Variants in SLC25A13 observed in about 807,000 individuals in gnomAD.
SLC25A13 encodes the protein solute carrier family 25 member 13.
In SLC25A13, 70 loss-of-function variants were observed where a neutral mutation model predicts 85.5. The ratio of observed to expected loss-of-function variants is 0.82; its 90% CI spans 0.68 to 1.00. The LOEUF (loss-of-function observed/expected upper bound fraction) is 1.00, where lower values mean the gene tolerates loss of function less well. Ranked by LOEUF, SLC25A13 falls within the 50% of genes least tolerant of loss-of-function variation. The pLI is 0.00. For missense variants in SLC25A13, 765 were observed against 819.8 expected (o/e 0.93, Z 0.82); for synonymous variants, 259 against 288.7 (o/e 0.90, Z 1.04).
intron 14 of SLC25A13, among the ~76,000 whole-genome samples, chr7:96,135,858 G>GGT (rs1792263712): frequency 7.5e-6 from 1 of 132,980 alleles, no homozygotes; most frequent in African/African-American, 2.8e-5. Context: ...TCCTGCTTTG[G>GGT]TTTTTTTTTT....
chr7:96,290,328 A>G lies in SLC25A13; in HGVS notation c.69+6570T>C, dbSNP rs186817074. 3.6e-3 allele frequency among the ~76,000 whole-genome samples: 542 copies of G among 152,326 alleles called. 2 individuals are homozygous for G. The highest frequency in any genetic ancestry group is 0.012 in the African/African-American group (518 of 41,562). On this transcript the variant is annotated intron_variant, in intron 2 of 17. Coordinates refer to ENST00000265631, the MANE Select transcript of SLC25A13 (RefSeq NM_014251.3). ...ACCAACCACTGCAAAAACATGCCAA[A>G]TTGTAAAGACCATCGATGCTAGGGA...
At chr7:96,249,343 C>T (rs1183631109) in intron 3 of SLC25A13, among the ~76,000 whole-genome samples, 1 of 152,234 alleles carries the variant, frequency 6.6e-6, no homozygotes, top group African/African-American at 2.4e-5. Context: ...AAGACATACA[C>T]ATCTTTCATA....
chr7:96,251,837 T>C (rs1285200547), intron 3 of SLC25A13, among the ~76,000 whole-genome samples: 1 of 152,234 alleles, frequency 6.6e-6, no homozygotes, highest in African/African-American at 2.4e-5. Flanking sequence ...GCATCTTCAC[T>C]AGCAGTTGGT....
At chr7:96,128,037 T>C (rs1791803911) in intron 15 of SLC25A13, among the ~76,000 whole-genome samples, 1 of 152,174 alleles carries the variant, frequency 6.6e-6, no homozygotes, top group Non-Finnish European at 1.5e-5. Context: ...CTGACAAAAG[T>C]CTTGCCCTTC....
At chr7:96,305,892 A>G (rs1198083894) in intron 1 of SLC25A13, among the ~76,000 whole-genome samples, 1 of 152,212 alleles carries the variant, frequency 6.6e-6, no homozygotes, top group Non-Finnish European at 1.5e-5. Context: ...ACCAGAAGGA[A>G]GCAAAAAGGA....
At chr7:96,140,084 A>C (rs1209491711) in intron 14 of SLC25A13, among the ~76,000 whole-genome samples, 2 of 146,298 alleles carry the variant, frequency 1.4e-5, no homozygotes, top group Non-Finnish European at 3.0e-5. Flanking sequence ...TCAGCCTCCC[A>C]AGTAGCTGGG....
At chr7:96,250,747 A>AAAAAAAAAG (rs1663884441) in intron 3 of SLC25A13, among the ~76,000 whole-genome samples, 1 of 151,546 alleles carries the variant, frequency 6.6e-6, no homozygotes, top group South Asian at 2.1e-4. Context: ...TACAAAAAAA[A>AAAAAAAAAG]AAAAAGAGGC....
chr7:96,273,601 G>GT (rs1798329361), intron 3 of SLC25A13, among the ~76,000 whole-genome samples: 1 of 152,182 alleles, frequency 6.6e-6, no homozygotes, highest in Non-Finnish European at 1.5e-5. Context: ...ATGTGTGTAC[G>GT]TGTTTGTGTG....
At chr7:96,285,520 T>C (rs1307794491) in intron 2 of SLC25A13, among the ~76,000 whole-genome samples, 2 of 152,172 alleles carry the variant, frequency 1.3e-5, no homozygotes, top group African/African-American at 4.8e-5. Flanking sequence ...CTCAAACGTG[T>C]TCCTTGTCGC....
chr7:96,223,300 A>G (rs1027257241), intron 4 of SLC25A13, among the ~76,000 whole-genome samples: 1 of 152,272 alleles, frequency 6.6e-6, no homozygotes, highest in African/African-American at 2.4e-5. Flanking sequence ...TTAAAATTGC[A>G]CGTAAAACAT....
intron 1 of SLC25A13, among the ~76,000 whole-genome samples, chr7:96,320,781 G>T (rs1800311301): frequency 6.6e-6 from 1 of 152,180 alleles, no homozygotes; most frequent in African/African-American, 2.4e-5. Flanking sequence ...GATTTGGGGA[G>T]CCTGGAGAGA....
At chr7:96,278,236 T>G (rs1172241303) in intron 2 of SLC25A13, among the ~76,000 whole-genome samples, 1 of 151,680 alleles carries the variant, frequency 6.6e-6, no homozygotes, top group Non-Finnish European at 1.5e-5. Context: ...GACAAAGCAG[T>G]GGTTTGGGGA....
At chr7:96,282,468 C>T (rs940787617) in intron 2 of SLC25A13, among the ~76,000 whole-genome samples, 1 of 152,158 alleles carries the variant, frequency 6.6e-6, no homozygotes, top group African/African-American at 2.4e-5. Flanking sequence ...AAGGTGCACA[C>T]AACAGGTCAC....
chr7:96,164,669 A>AT (rs757018483), intron 13 of SLC25A13, among the ~76,000 whole-genome samples: 5 of 148,618 alleles, frequency 3.4e-5, no homozygotes, highest in Non-Finnish European at 7.4e-5. Context: ...AGATGTGATT[A>AT]TTTTTACTAC....
chr7:96,137,186 T>TG (rs1792324182), intron 14 of SLC25A13, among the ~76,000 whole-genome samples: 1 of 152,172 alleles, frequency 6.6e-6, no homozygotes, highest in African/African-American at 2.4e-5. Flanking sequence ...AGGGTGAGTT[T>TG]GAGTGTCTTG....
chr7:96,145,962 G>A (rs1429482098), intron 14 of SLC25A13, among the ~76,000 whole-genome samples: 1 of 152,048 alleles, frequency 6.6e-6, no homozygotes, highest in African/African-American at 2.4e-5. Flanking sequence ...GAAAACTTGT[G>A]TATACATTAT....
intron 11 of SLC25A13, among the ~76,000 whole-genome samples, chr7:96,181,771 G>A (rs4727335): frequency 0.46 from 70,005 of 152,040 alleles, 17,570 homozygotes; most frequent in African/African-American, 0.67. Flanking sequence ...AAACATGTAT[G>A]AATTAAAGAT....
At chr7:96,162,510 T>TA in intron 13 of SLC25A13, among the ~76,000 whole-genome samples, 1 of 152,146 alleles carries the variant, frequency 6.6e-6, no homozygotes, top group Non-Finnish European at 1.5e-5. Context: ...CTGCCATATG[T>TA]ATGGCCTGGC....
intron 2 of SLC25A13, among the ~76,000 whole-genome samples, chr7:96,278,148 T>G (rs189113083): frequency 7.2e-5 from 11 of 152,290 alleles, no homozygotes; most frequent in East Asian, 5.8e-4. Flanking sequence ...CATGGAGCCC[T>G]AAGGGCAGAA....
Sources: allele counts gnomAD v4.1 joint callset (sites outside exome capture counted in the v4.1 genomes callset), GRCh38; gene constraint gnomAD v4.1.1; transcripts MANE v1.5; gene names NCBI Gene and HGNC (gene_info 2026-07-23, HGNC 2026-07-21).